PTPRR: variants seen among roughly 807,000 people sequenced by gnomAD.
PTPRR encodes the protein protein tyrosine phosphatase receptor type R, also known as receptor-type tyrosine-protein phosphatase R.
PTPRR carries 38 observed loss-of-function variants against 77.2 expected under a neutral mutation model. That is an observed-to-expected ratio of 0.49 (90% CI 0.38 to 0.65). The LOEUF is 0.65. PTPRR is among the 30% of genes least tolerant of loss of function. The probability of loss-of-function intolerance (pLI) is 0.00; values close to 1 mark genes in which losing one functional copy is unlikely to be tolerated. For missense variants in PTPRR, 744 were observed against 799.2 expected (o/e 0.93, Z 0.83); for synonymous variants, 299 against 283.1 (o/e 1.06, Z -0.57).
At chr12:70,868,400 A>G (rs1443770126) in intron 2 of PTPRR, among the ~76,000 whole-genome samples, 4 of 152,144 alleles carry the variant, frequency 2.6e-5, no homozygotes, top group Non-Finnish European at 4.4e-5. Flanking sequence ...ACTTCTGAAA[A>G]GAAGACATTT....
At position 70,850,691 on chromosome 12, in the gene PTPRR, C is replaced by T. The variant is rs1892557829; in HGVS notation, c.357+41988G>A. Among the ~76,000 whole-genome samples, 5 of 152,182 alleles carry T rather than the reference C, an allele frequency of 3.3e-5. No homozygotes were observed. The South Asian group carries it at 1.0e-3, about 32-fold the overall frequency. ...CACCCTTCCTTGAAAACCCAGACCT[C>T]TCTCTGTGCCTCTCGACGCTTTTGG... On this transcript the variant is annotated intron_variant, in intron 2 of 13. Transcript: ENST00000283228.
At chr12:70,799,733 G>T (rs937328089) in intron 2 of PTPRR, among the ~76,000 whole-genome samples, 14 of 152,082 alleles carry the variant, frequency 9.2e-5, no homozygotes, top group African/African-American at 3.4e-4. Flanking sequence ...TAATTTCAAA[G>T]AAGAGATGAG....
At chr12:70,711,632 C>A (rs919114636) in intron 6 of PTPRR, among the ~76,000 whole-genome samples, 13 of 151,950 alleles carry the variant, frequency 8.6e-5, no homozygotes, top group African/African-American at 3.1e-4. Context: ...AAAAAAGAGC[C>A]CTTTATTTTA....
chr12:70,847,429 C>T (rs1344072865), intron 2 of PTPRR, among the ~76,000 whole-genome samples: 1 of 152,130 alleles, frequency 6.6e-6, no homozygotes, highest in African/African-American at 2.4e-5. Flanking sequence ...TCTGATATTT[C>T]AGATGACTGA....
intron 2 of PTPRR, among the ~76,000 whole-genome samples, chr12:70,783,742 G>A (rs1891253446): frequency 6.6e-6 from 1 of 152,032 alleles, no homozygotes; most frequent in Non-Finnish European, 1.5e-5. Flanking sequence ...TATCCATGGT[G>A]CCCAGGCTGC....
At chr12:70,771,951 C>A (rs1592748440) in intron 2 of PTPRR, among the ~76,000 whole-genome samples, 1 of 152,068 alleles carries the variant, frequency 6.6e-6, no homozygotes, top group African/African-American at 2.4e-5. Context: ...AAACACTCAG[C>A]TTTCAGGTTT....
At chr12:70,837,335 A>G (rs1285653128) in intron 2 of PTPRR, among the ~76,000 whole-genome samples, 2 of 152,122 alleles carry the variant, frequency 1.3e-5, no homozygotes, top group Non-Finnish European at 2.9e-5. Flanking sequence ...TGCTGCTGAG[A>G]CCATTTGGCT....
intron 2 of PTPRR, among the ~76,000 whole-genome samples, chr12:70,870,560 A>G (rs550923183): frequency 1.3e-5 from 2 of 152,362 alleles, no homozygotes; most frequent in African/African-American, 4.8e-5. Context: ...AATCTCCCAA[A>G]GACAGTGAAT....
intron 10 of PTPRR, chr12:70,672,966 A>C: frequency 7.1e-7 from 1 of 1,399,916 alleles, no homozygotes; most frequent in Non-Finnish European, 9.5e-7. Context: ...CAGCCCTGTA[A>C]GCCTCCTCTT....
intron 10 of PTPRR, among the ~76,000 whole-genome samples, chr12:70,683,113 A>T (rs970757989): frequency 6.6e-6 from 1 of 152,206 alleles, no homozygotes; most frequent in African/African-American, 2.4e-5. Flanking sequence ...GTGAGCCTAG[A>T]TGATGTCCAT....
intron 2 of PTPRR, among the ~76,000 whole-genome samples, chr12:70,880,229 T>C (rs534083929): frequency 1.5e-3 from 227 of 152,270 alleles, no homozygotes; most frequent in African/African-American, 5.2e-3. Flanking sequence ...TTCCCATAAT[T>C]CCATAGGGTG....
intron 2 of PTPRR, among the ~76,000 whole-genome samples, chr12:70,791,418 G>A (rs1196427711): frequency 6.6e-6 from 1 of 152,152 alleles, no homozygotes; most frequent in African/African-American, 2.4e-5. Flanking sequence ...CCTTTTCAGA[G>A]ATGCCTCCAC....
At chr12:70,785,721 A>C (rs1026704105) in intron 2 of PTPRR, among the ~76,000 whole-genome samples, 3 of 152,208 alleles carry the variant, frequency 2.0e-5, no homozygotes, top group Non-Finnish European at 4.4e-5. Context: ...AGACAGGTCT[A>C]TGGATGAAAT....
chr12:70,899,777 A>C (rs1439691395), intron 1 of PTPRR, among the ~76,000 whole-genome samples: 3 of 151,408 alleles, frequency 2.0e-5, no homozygotes, highest in Non-Finnish European at 4.4e-5. Context: ...ATGATTGTCT[A>C]TATAAAAAAT....
intron 2 of PTPRR, among the ~76,000 whole-genome samples, chr12:70,848,043 T>C (rs1892513657): frequency 6.6e-6 from 1 of 152,210 alleles, no homozygotes. Context: ...AACCTAAGTG[T>C]GTCCTGAGGG....
At chr12:70,749,322 C>A (rs1277902668) in intron 5 of PTPRR, among the ~76,000 whole-genome samples, 1 of 152,088 alleles carries the variant, frequency 6.6e-6, no homozygotes, top group Non-Finnish European at 1.5e-5. Context: ...TGTTCTTGGT[C>A]AAGTCATTTA....
At chr12:70,664,367 T>C (rs1886902778) in intron 10 of PTPRR, 1 of 152,178 alleles carries the variant, frequency 6.6e-6, no homozygotes, top group Non-Finnish European at 1.5e-5. Context: ...AAGCATCAAT[T>C]ATTTCGCTGT....
At chr12:70,863,867 G>C (rs902165654) in intron 2 of PTPRR, among the ~76,000 whole-genome samples, 2 of 152,106 alleles carry the variant, frequency 1.3e-5, no homozygotes, top group Admixed American at 6.6e-5. Flanking sequence ...GAAACTCTTG[G>C]TTGCCTGTGA....
intron 13 of PTPRR, among the ~76,000 whole-genome samples, chr12:70,646,502 C>T (rs1281307923): frequency 6.6e-6 from 1 of 151,934 alleles, no homozygotes; most frequent in Admixed American, 6.6e-5. Context: ...TTCCTCTGAA[C>T]ACTCAAGTTA....
Sources: gnomAD v4.1 joint callset for allele counts (sites outside exome capture counted in the v4.1 genomes callset) on GRCh38, gnomAD v4.1.1 for gene constraint, MANE v1.5 for transcripts, NCBI Gene and HGNC (gene_info 2026-07-23, HGNC 2026-07-21) for gene names.